Variants in AEBP2 observed in about 807,000 individuals in gnomAD.
The protein encoded by AEBP2 is AE binding protein 2.
Under a neutral mutation model 50.8 loss-of-function variants are expected in AEBP2, and 10 were observed. That is an observed-to-expected ratio of 0.20 (90% CI 0.12 to 0.33). The LOEUF is 0.33. Ranked by LOEUF, AEBP2 falls within the 10% of genes least tolerant of loss-of-function variation. The pLI is 1.00. For missense variants in AEBP2, 570 were observed against 688.0 expected, an observed-to-expected ratio of 0.83 and a Z score of 1.92; for synonymous variants, 296 against 261.3, an observed-to-expected ratio of 1.13 and a Z score of -1.28.
At chr12:19,430,251 GT>G (rs1565698973) in intron 1 of AEBP2, among the ~76,000 whole-genome samples, 1 of 152,086 alleles carries the variant, frequency 6.6e-6, no homozygotes, top group Non-Finnish European at 1.5e-5. Context: ...CCCATTTCTT[GT>G]TTTTGTCAGG....
chr12:19,452,812 T>A (rs901711535), intron 1 of AEBP2, among the ~76,000 whole-genome samples: 2 of 152,198 alleles, frequency 1.3e-5, no homozygotes, highest in African/African-American at 4.8e-5. Flanking sequence ...CTAGTATAAG[T>A]GGCAGTTTTA....
intron 4 of AEBP2, among the ~76,000 whole-genome samples, chr12:19,494,449 CAA>C (rs1013079741): frequency 6.9e-6 from 1 of 145,406 alleles, no homozygotes; most frequent in Non-Finnish European, 1.5e-5. Context: ...AAACCAACAA[CAA>C]AAAAAACCAC....
At chr12:19,458,560 T>C (rs969816479) in intron 1 of AEBP2, among the ~76,000 whole-genome samples, 25 of 152,358 alleles carry the variant, frequency 1.6e-4, no homozygotes. Context: ...GTGTGTGATA[T>C]CACACATAGA....
At chr12:19,451,652 A>C (rs1948167298) in intron 1 of AEBP2, among the ~76,000 whole-genome samples, 1 of 151,622 alleles carries the variant, frequency 6.6e-6, no homozygotes, top group Non-Finnish European at 1.5e-5. Flanking sequence ...AAGAGGAGTT[A>C]AGGATGGGGT....
intron 4 of AEBP2, among the ~76,000 whole-genome samples, chr12:19,499,198 G>A (rs1029709932): frequency 1.3e-5 from 2 of 152,154 alleles, no homozygotes; most frequent in African/African-American, 4.8e-5. Context: ...AGTCACACAC[G>A]TGATAACTGG....
rs565321564 is a variant in AEBP2, at chr12:19,513,886, G to T, written c.1368-785G>T. ...TTTCTTTGAATTCAGTGTTATGGCC[G>T]CATGCATTTTTTTTTTTTTTTTTAA... On this transcript the variant is annotated intron_variant, in intron 6 of 7. Transcript: ENST00000266508. Among the ~76,000 whole-genome samples, 11 of 137,536 alleles carry T rather than the reference G, an allele frequency of 8.0e-5. No individual in the cohort carries two copies. The East Asian group carries it at 2.4e-3, about 30-fold the overall frequency. The allele number at this position is 137,536 out of a possible 152,430, so 90.2% of individuals were successfully genotyped here.
At chr12:19,474,613 A>G (rs897985849) in intron 3 of AEBP2, among the ~76,000 whole-genome samples, 1 of 152,146 alleles carries the variant, frequency 6.6e-6, no homozygotes, top group Admixed American at 6.6e-5. Context: ...CACAAAGTCT[A>G]GTAAATTAAA....
At chr12:19,431,025 G>GA (rs1755993586) in intron 1 of AEBP2, among the ~76,000 whole-genome samples, 1 of 132,400 alleles carries the variant, frequency 7.6e-6, no homozygotes, top group African/African-American at 2.8e-5. Context: ...AAAAAAAAAA[G>GA]AAAAAAATTA....
intron 1 of AEBP2, chr12:19,457,720 C>A (rs1948295782): frequency 1.1e-6 from 1 of 939,772 alleles, no homozygotes; most frequent in Non-Finnish European, 1.4e-6. Context: ...GAAAAAAAAG[C>A]TAGTCAGAGA....
At chr12:19,466,405 C>T (rs943177312) in intron 2 of AEBP2, among the ~76,000 whole-genome samples, 5 of 152,030 alleles carry the variant, frequency 3.3e-5, no homozygotes, top group South Asian at 4.1e-4. Flanking sequence ...GCTGTGAGAT[C>T]GTGCCACCGC....
chr12:19,507,710 G>A (rs1302527201), intron 5 of AEBP2, among the ~76,000 whole-genome samples: 1 of 152,156 alleles, frequency 6.6e-6, no homozygotes, highest in Non-Finnish European at 1.5e-5. Context: ...TCCATAATGA[G>A]ATAAGGTCTT....
At chr12:19,413,991 C>T (rs1037429407) in intron 1 of AEBP2, among the ~76,000 whole-genome samples, 5 of 151,706 alleles carry the variant, frequency 3.3e-5, no homozygotes, top group East Asian at 1.9e-4. Context: ...CTGCCTAGGT[C>T]CAAGCGATTC....
intron 3 of AEBP2, among the ~76,000 whole-genome samples, chr12:19,478,414 G>A (rs965380428): frequency 1.2e-4 from 18 of 152,040 alleles, no homozygotes; most frequent in African/African-American, 4.4e-4. Context: ...TCCTGTCTCA[G>A]CCTCCCAAGT....
At chr12:19,409,422 T>G (rs1042071356) in intron 1 of AEBP2, among the ~76,000 whole-genome samples, 69 of 152,122 alleles carry the variant, frequency 4.5e-4, no homozygotes, top group African/African-American at 1.6e-3. Context: ...AGAATGAATA[T>G]CTTGTCCCAA....
intron 1 of AEBP2, among the ~76,000 whole-genome samples, chr12:19,451,912 G>T (rs1024605837): frequency 6.6e-6 from 1 of 152,002 alleles, no homozygotes; most frequent in Non-Finnish European, 1.5e-5. Context: ...TTATTTTTGA[G>T]ATGGATTCTT....
chr12:19,455,871 A>G (rs886863125), intron 1 of AEBP2, among the ~76,000 whole-genome samples: 1 of 152,104 alleles, frequency 6.6e-6, no homozygotes, highest in African/African-American at 2.4e-5. Flanking sequence ...TTGGTTTACC[A>G]TTTTACCATA....
chr12:19,421,961 G>A (rs755469960), intron 1 of AEBP2, among the ~76,000 whole-genome samples: 21 of 152,112 alleles, frequency 1.4e-4, no homozygotes, highest in Non-Finnish European at 2.6e-4. Context: ...GGCCAACATG[G>A]AGAAACCCCA....
chr12:19,404,766 G>T (rs1223503197), intron 1 of AEBP2, among the ~76,000 whole-genome samples: 1 of 152,084 alleles, frequency 6.6e-6, no homozygotes, highest in Non-Finnish European at 1.5e-5. Flanking sequence ...AACAAAGAAT[G>T]CGGGAGAGTT....
chr12:19,518,440 T>G lies in AEBP2; in HGVS notation c.*323T>G, dbSNP rs1207984143. ...TGCATGCTTGCTGCTTTAAGCTGCT[T>G]TTTTTTTTCTTTTCTTCCCTTTAGT... On this transcript the variant is annotated 3_prime_UTR_variant, in exon 8 of 8. Transcript: ENST00000266508. The G allele has an allele frequency of 8.1e-6, 10 of 1,230,310 alleles. No individual in the cohort carries two copies. In the East Asian group the frequency reaches 3.3e-4, roughly 40 times the overall value. The allele number at this position is 1,230,310 out of a possible 1,614,324, so 76.2% of individuals were successfully genotyped here.
Sources: allele counts gnomAD v4.1 joint callset (sites outside exome capture counted in the v4.1 genomes callset), GRCh38; gene constraint gnomAD v4.1.1; transcripts MANE v1.5; gene names NCBI Gene and HGNC (gene_info 2026-07-23, HGNC 2026-07-21).